Variants in CTDSP2 observed in about 807,000 individuals in gnomAD.
CTDSP2 encodes the protein CTD small phosphatase 2.
A neutral mutation model predicts 31.6 loss-of-function variants in CTDSP2; 9 were observed. The observed-to-expected ratio is 0.28, with a 90% CI of 0.17 to 0.50. The LOEUF is 0.50. Ranked by LOEUF, CTDSP2 falls within the 20% of genes least tolerant of loss-of-function variation. The pLI is 0.98. For synonymous variants in CTDSP2, 134 were observed against 134.5 expected, an observed-to-expected ratio of 1.00 and a Z score of 0.03; for missense variants, 267 against 348.5, an observed-to-expected ratio of 0.77 and a Z score of 1.86.
chr12:57,836,582 C>T (rs1004248609), intron 1 of CTDSP2, among the ~76,000 whole-genome samples: 5 of 151,848 alleles, frequency 3.3e-5, no homozygotes, highest in African/African-American at 1.2e-4. Context: ...TTTGAGGCTG[C>T]GGTAAGCCGT....
Position 57,824,243 on chromosome 12 carries a change from G to C in CTDSP2, c.488C>G (p.Thr163Ser). 3 of 1,614,126 alleles carry C rather than the reference G, an allele frequency of 1.9e-6. No individual in the cohort carries two copies. Among genetic ancestry groups the C allele is most frequent in the Non-Finnish European group, 2.5e-6 (3 of 1,180,000 alleles). Residue 163 changes from threonine (T) to serine (S), a missense_variant, in exon 6 of 8, where the codon ACT (threonine) becomes AGT (serine). Thr to Ser is a moderately conservative substitution (Grantham distance 58). Coordinates refer to ENST00000398073, the MANE Select transcript of CTDSP2 (RefSeq NM_005730.4). ...MGELFECVLF[T>S]ASLAKYADPV... ...CCTAGGTACCTTGGCCAGGCTGGCAGTGAAGAGAACACATTCAAAGAGTTC... is the reference window on the plus strand; with the variant it reads ...CCTAGGTACCTTGGCCAGGCTGGCACTGAAGAGAACACATTCAAAGAGTTC...
intron 1 of CTDSP2, among the ~76,000 whole-genome samples, chr12:57,830,761 T>G (rs1956210829): frequency 6.6e-6 from 1 of 152,158 alleles, no homozygotes; most frequent in African/African-American, 2.4e-5. Flanking sequence ...TTTATTTATT[T>G]TTTTGAGATG....
chr12:57,844,051 C>G (rs1360115639), intron 1 of CTDSP2, among the ~76,000 whole-genome samples: 2 of 152,100 alleles, frequency 1.3e-5, no homozygotes, highest in Non-Finnish European at 2.9e-5. Context: ...AAAAATTAGC[C>G]AAGCGTGATG....
At chr12:57,830,889 C>T (rs1337836686) in intron 1 of CTDSP2, among the ~76,000 whole-genome samples, 1 of 151,818 alleles carries the variant, frequency 6.6e-6, no homozygotes, top group East Asian at 2.0e-4. Flanking sequence ...GCTGGGGTTA[C>T]AGCCATGCGC....
chr12:57,836,595 T>C (rs1162033861), intron 1 of CTDSP2, among the ~76,000 whole-genome samples: 2 of 152,136 alleles, frequency 1.3e-5, no homozygotes, highest in African/African-American at 2.4e-5. Context: ...TAAGCCGTGA[T>C]TGCACCACTG....
At chr12:57,824,429 C>G in intron 5 of CTDSP2, 110 bp from the exon 6 acceptor site, 1 of 835,832 alleles carries the variant, frequency 1.2e-6, no homozygotes, top group South Asian at 1.4e-5. Context: ...CCCTGCAGCC[C>G]AGCCTCCTGG....
intron 1 of CTDSP2, among the ~76,000 whole-genome samples, chr12:57,832,594 C>G (rs1260136817): frequency 6.6e-6 from 1 of 151,858 alleles, no homozygotes; most frequent in Non-Finnish European, 1.5e-5. Flanking sequence ...GAGTTCGAGA[C>G]CAGCCTGGCC....
chr12:57,833,268 G>A lies in CTDSP2; in HGVS notation c.65-3672C>T, dbSNP rs546489999. Among the ~76,000 whole-genome samples, 20 of 152,344 alleles carry A rather than the reference G, an allele frequency of 1.3e-4. No homozygotes were observed. In the South Asian group the frequency reaches 3.5e-3, roughly 27 times the overall value. ...GAGCCCAACAGGCAGAAGCGCCTCA[G>A]TCCTAGATGGGGAGGGAGCTTGGAC... On this transcript the variant is annotated intron_variant, in intron 1 of 7. Transcript: ENST00000398073.
chr12:57,828,916 G>C (rs1424967294), intron 2 of CTDSP2, among the ~76,000 whole-genome samples: 1 of 152,244 alleles, frequency 6.6e-6, no homozygotes, highest in Non-Finnish European at 1.5e-5. Context: ...ACTGCTGACA[G>C]GAGTTATTAA....
At chr12:57,831,471 T>G (rs1486212478) in intron 1 of CTDSP2, among the ~76,000 whole-genome samples, 1 of 152,160 alleles carries the variant, frequency 6.6e-6, no homozygotes, top group African/African-American at 2.4e-5. Flanking sequence ...AAGATTATCT[T>G]TTGCAAGTTC....
At chr12:57,830,017 T>C (rs1302635361) in intron 1 of CTDSP2, among the ~76,000 whole-genome samples, 2 of 152,154 alleles carry the variant, frequency 1.3e-5, no homozygotes, top group African/African-American at 4.8e-5. Context: ...TTAGTGGAGC[T>C]GTAGTTCTGT....
At chr12:57,842,907 A>G (rs1470138398) in intron 1 of CTDSP2, among the ~76,000 whole-genome samples, 2 of 152,208 alleles carry the variant, frequency 1.3e-5, no homozygotes, top group Non-Finnish European at 2.9e-5. Context: ...TTGAGGGAAT[A>G]AGGCAGAATT....
intron 1 of CTDSP2, among the ~76,000 whole-genome samples, chr12:57,835,454 G>GC (rs1376426732): frequency 6.6e-6 from 1 of 152,120 alleles, no homozygotes; most frequent in Non-Finnish European, 1.5e-5. Flanking sequence ...ACCATGCCTG[G>GC]CCCCCGTAGG....
rs369953376 is a variant in CTDSP2, at chr12:57,836,447, C to T, written c.65-6851G>A. Among the ~76,000 whole-genome samples the T allele has an allele frequency of 3.9e-3, 595 of 152,222 alleles. 16 individuals carry two copies. The South Asian group carries it at 0.07, about 18-fold the overall frequency. ...AGCTGGGCCGGTTGGATCACTGCAGCTCAGGAGTTCAAGACCAGCCTGAGC... is the reference window on the plus strand; with the variant it reads ...AGCTGGGCCGGTTGGATCACTGCAGTTCAGGAGTTCAAGACCAGCCTGAGC... On this transcript the variant is annotated intron_variant, in intron 1 of 7. Coordinates refer to ENST00000398073, the MANE Select transcript of CTDSP2 (RefSeq NM_005730.4).
At chr12:57,838,860 TGTAA>T (rs910308450) in intron 1 of CTDSP2, among the ~76,000 whole-genome samples, 3 of 152,230 alleles carry the variant, frequency 2.0e-5, no homozygotes, top group South Asian at 2.1e-4. Context: ...ACAAAAGCTT[TGTAA>T]GTGTCAACTG....
chr12:57,832,401 G>C (rs75602277), intron 1 of CTDSP2, among the ~76,000 whole-genome samples: 1,973 of 152,252 alleles, frequency 0.013, 46 homozygotes, highest in African/African-American at 0.045. Context: ...AAGAGTCCAG[G>C]ATAAGCTGAG....
intron 2 of CTDSP2, among the ~76,000 whole-genome samples, chr12:57,828,275 C>A (rs534163618): frequency 6.6e-6 from 1 of 152,058 alleles, no homozygotes; most frequent in Non-Finnish European, 1.5e-5. Flanking sequence ...CAAAATTAGC[C>A]GGTCGTGGTG....
intron 1 of CTDSP2, among the ~76,000 whole-genome samples, chr12:57,837,927 G>A (rs1237229868): frequency 6.6e-6 from 1 of 152,002 alleles, no homozygotes; most frequent in African/African-American, 2.4e-5. Context: ...AGGGTCACAG[G>A]TCACACACTT....
At chr12:57,829,192 T>C (rs1456434753) in intron 2 of CTDSP2, among the ~76,000 whole-genome samples, 2 of 152,200 alleles carry the variant, frequency 1.3e-5, no homozygotes, top group African/African-American at 4.8e-5. Context: ...GCACCTTGCC[T>C]AGTTCCTGGA....
Sources: allele counts gnomAD v4.1 joint callset (sites outside exome capture counted in the v4.1 genomes callset), GRCh38; gene constraint gnomAD v4.1.1; transcripts MANE v1.5; gene names NCBI Gene and HGNC (gene_info 2026-07-23, HGNC 2026-07-21).